ATP6V1H: variants seen among roughly 807,000 people sequenced by gnomAD.
The protein encoded by ATP6V1H is ATPase H+ transporting V1 subunit H.
A neutral mutation model predicts 71.7 loss-of-function variants in ATP6V1H; 39 were observed. The observed-to-expected ratio is 0.54, with a 90% CI of 0.42 to 0.71. The LOEUF (loss-of-function observed/expected upper bound fraction) is 0.71, where lower values mean the gene tolerates loss of function less well. Among genes scored for constraint, ATP6V1H ranks in the 30% least tolerant of loss-of-function variants. ATP6V1H has a pLI of 0.00. For missense variants in ATP6V1H, 509 were observed against 594.9 expected, an observed-to-expected ratio of 0.86 and a Z score of 1.50; for synonymous variants, 192 against 199.3, an observed-to-expected ratio of 0.96 and a Z score of 0.31.
chr8:53,827,854 CAT>C (rs879425259), intron 4 of ATP6V1H, among the ~76,000 whole-genome samples: 19 of 152,264 alleles, frequency 1.2e-4, no homozygotes, highest in Middle Eastern at 3.4e-3. Flanking sequence ...TAATTGAAAA[CAT>C]GTGGTATTTG....
chr8:53,838,394 C>T (rs1335463342), intron 2 of ATP6V1H, among the ~76,000 whole-genome samples: 1 of 152,208 alleles, frequency 6.6e-6, no homozygotes, highest in Non-Finnish European at 1.5e-5. Context: ...GCTGGGATTA[C>T]AGGCGTGAGC....
chr8:53,817,700 A>T (rs1370161236), intron 4 of ATP6V1H, among the ~76,000 whole-genome samples, 170 bp from the exon 5 acceptor site: 2 of 152,110 alleles, frequency 1.3e-5, no homozygotes, highest in Non-Finnish European at 2.9e-5. Context: ...GGATGGTAGT[A>T]GGCACAGATA....
chr8:53,825,344 T>C (rs1810791978), intron 4 of ATP6V1H, among the ~76,000 whole-genome samples: 2 of 148,644 alleles, frequency 1.3e-5, no homozygotes. Context: ...CTTGTTTTGA[T>C]TTTTTTTTTT....
At chr8:53,778,535 T>C (rs1032833508) in intron 9 of ATP6V1H, among the ~76,000 whole-genome samples, 32 of 152,232 alleles carry the variant, frequency 2.1e-4, no homozygotes, top group South Asian at 4.1e-4. Context: ...TATTCAGCCA[T>C]AGAAAAGAAT....
rs542692028 is a variant in ATP6V1H at position 53,757,240 on chromosome 8, G to C, written c.1176-584C>G. Among the ~76,000 whole-genome samples the C allele has an allele frequency of 2.0e-5, 3 of 152,120 alleles. No homozygotes were observed. The East Asian group carries it at 5.8e-4, about 29-fold the overall frequency. ...AATACAACCACATAAATTGTCACTG[G>C]AGCCTGACGGGTACTTCTGAGAACA... On this transcript the variant is annotated intron_variant, in intron 11 of 13. Transcript: ENST00000359530.
intron 2 of ATP6V1H, among the ~76,000 whole-genome samples, chr8:53,836,435 TTC>T (rs2130538479): frequency 6.6e-6 from 1 of 152,328 alleles, no homozygotes; most frequent in Admixed American, 6.5e-5. Flanking sequence ...TTAAGTTATT[TTC>T]TCTCTGGGTC....
At chr8:53,736,550 T>C (rs1259800124) in intron 13 of ATP6V1H, among the ~76,000 whole-genome samples, 1 of 152,230 alleles carries the variant, frequency 6.6e-6, no homozygotes, top group African/African-American at 2.4e-5. Flanking sequence ...AATCATACAG[T>C]TAGAAATAAT....
intron 9 of ATP6V1H, among the ~76,000 whole-genome samples, chr8:53,785,716 G>C (rs1157279720): frequency 6.6e-6 from 1 of 152,112 alleles, no homozygotes; most frequent in African/African-American, 2.4e-5. Context: ...ATGGGTTTTT[G>C]GAGTGGATGT....
At chr8:53,751,165 C>T (rs1807781595) in intron 12 of ATP6V1H, among the ~76,000 whole-genome samples, 1 of 152,124 alleles carries the variant, frequency 6.6e-6, no homozygotes, top group African/African-American at 2.4e-5. Flanking sequence ...AGTAACTATC[C>T]ATATATGTAC....
Position 53,771,265 on chromosome 8 carries a change from A to G in ATP6V1H, c.1049+724T>C, listed in dbSNP as rs62515796. On this transcript the variant is annotated intron_variant, in intron 10 of 13. Coordinates refer to ENST00000359530, the MANE Select transcript of ATP6V1H (RefSeq NM_015941.4). ...GGCTCCAAACCCCAATCCACCCAAG[A>G]GAAGTTTCTATTTCCAGAGAGTAAC... Among the ~76,000 whole-genome samples the G allele has an allele frequency of 5.7e-3, 872 of 152,366 alleles. 3 individuals are homozygous for G. Among genetic ancestry groups the G allele is most frequent in the Non-Finnish European group, 9.7e-3 (661 of 68,040 alleles).
chr8:53,805,704 T>C (rs888234191), intron 7 of ATP6V1H, among the ~76,000 whole-genome samples: 7 of 152,152 alleles, frequency 4.6e-5, no homozygotes, highest in Non-Finnish European at 1.0e-4. Context: ...TGTACAAGAA[T>C]GTTCACAGCA....
intron 13 of ATP6V1H, among the ~76,000 whole-genome samples, chr8:53,723,827 G>A (rs912044895): frequency 1.3e-5 from 2 of 152,146 alleles, no homozygotes; most frequent in Admixed American, 6.5e-5. Context: ...GCCTCACCGT[G>A]GGATGAACCA....
intron 9 of ATP6V1H, among the ~76,000 whole-genome samples, chr8:53,790,250 G>T (rs1423847046): frequency 6.6e-6 from 1 of 152,032 alleles, no homozygotes; most frequent in Non-Finnish European, 1.5e-5. Context: ...TCATTGGATG[G>T]CAATTCCCTT....
chr8:53,799,713 G>A (rs569816446), intron 8 of ATP6V1H, among the ~76,000 whole-genome samples: 1 of 152,296 alleles, frequency 6.6e-6, no homozygotes, highest in Non-Finnish European at 1.5e-5. Flanking sequence ...GTATTAGGAG[G>A]TGGGGCCTTT....
chr8:53,800,792 T>C (rs1016256930), intron 8 of ATP6V1H, among the ~76,000 whole-genome samples: 2 of 152,214 alleles, frequency 1.3e-5, no homozygotes, highest in African/African-American at 4.8e-5. Context: ...AAATTTCTAA[T>C]AGTTGTTTTT....
chr8:53,755,688 A>T (rs1323016340), intron 12 of ATP6V1H, among the ~76,000 whole-genome samples: 1 of 794 alleles, frequency 1.3e-3, no homozygotes, highest in African/African-American at 4.3e-3. Flanking sequence ...CAGCGTACAT[A>T]TATATATATA....
chr8:53,724,934 C>A (rs1470619891), intron 13 of ATP6V1H, among the ~76,000 whole-genome samples: 1 of 151,048 alleles, frequency 6.6e-6, no homozygotes, highest in Non-Finnish European at 1.5e-5. Context: ...GATCAGTCAA[C>A]CTGGATTTAA....
chr8:53,756,700 CTA>C, intron 11 of ATP6V1H, 44 bp from the exon 12 acceptor site: 1 of 1,322,866 alleles, frequency 7.6e-7, no homozygotes, highest in Non-Finnish European at 1.1e-6. Context: ...TCTAATTTTT[CTA>C]TAGACTACAA....
intron 11 of ATP6V1H, among the ~76,000 whole-genome samples, chr8:53,769,302 T>C (rs1023496603): frequency 2.6e-5 from 4 of 151,970 alleles, no homozygotes; most frequent in African/African-American, 7.3e-5. Context: ...AAGACACCAT[T>C]AAAAAGTAAA....
Sources: allele counts gnomAD v4.1 joint callset (sites outside exome capture counted in the v4.1 genomes callset), GRCh38; gene constraint gnomAD v4.1.1; transcripts MANE v1.5; gene names NCBI Gene and HGNC (gene_info 2026-07-23, HGNC 2026-07-21).